The following NEDD4 variants were observed in gnomAD, a reference collection of about 807,000 sequenced individuals.
The protein encoded by NEDD4 is NEDD4 E3 ubiquitin protein ligase, also known as E3 ubiquitin-protein ligase NEDD4.
In NEDD4, 99 loss-of-function variants were observed where a neutral mutation model predicts 144.9. The observed-to-expected ratio is 0.68, with a 90% confidence interval of 0.58 to 0.81. NEDD4 has a LOEUF of 0.81. Among genes scored for constraint, NEDD4 ranks in the 30% least tolerant of loss-of-function variants. The pLI is 0.00. For synonymous variants in NEDD4, 318 were observed against 350.6 expected (o/e 0.91, Z 1.04); for missense variants, 985 against 1,065.9 (o/e 0.92, Z 1.06).
At chr15:55,927,019 T>C (rs2036681187) in intron 4 of NEDD4, among the ~76,000 whole-genome samples, 1 of 131,020 alleles carries the variant, frequency 7.6e-6, no homozygotes, top group Non-Finnish European at 1.5e-5. Context: ...GAGGTTGCAG[T>C]GAACCAAGAT....
At position 55,829,846 on chromosome 15, in the gene NEDD4, T is replaced by C; in HGVS notation, c.*51A>G. The C allele has an allele frequency of 1.4e-6, 2 of 1,430,406 alleles. No individual in the cohort carries two copies. Among genetic ancestry groups the C allele is most frequent in the Non-Finnish European group, 1.9e-6 (2 of 1,037,254 alleles). The allele number at this position is 1,430,406 out of a possible 1,614,324, so 88.6% of individuals were successfully genotyped here. Reference sequence around the variant, plus strand: ...TCCCCGGAAAATTTTAAGTCAAGATTTTGGTTATAAAACTATGGCAGTAAA... The same window carrying C: ...TCCCCGGAAAATTTTAAGTCAAGATCTTGGTTATAAAACTATGGCAGTAAA... On this transcript the variant is annotated 3_prime_UTR_variant, in exon 29 of 29. Coordinates refer to ENST00000435532, the MANE Select transcript of NEDD4 (RefSeq NM_006154.4).
chr15:55,961,431 T>C (rs1302957753), intron 2 of NEDD4, among the ~76,000 whole-genome samples: 3 of 152,074 alleles, frequency 2.0e-5, no homozygotes, highest in Admixed American at 2.0e-4. Context: ...TGTGAGACAA[T>C]AAATGTACGT....
At chr15:55,882,318 C>A (rs1257798373) in intron 5 of NEDD4, among the ~76,000 whole-genome samples, 2 of 152,178 alleles carry the variant, frequency 1.3e-5, no homozygotes, top group Admixed American at 6.5e-5. Context: ...CCCCCTCCAT[C>A]CCCTGGCAGT....
intron 4 of NEDD4, among the ~76,000 whole-genome samples, chr15:55,925,472 A>G (rs557766162): frequency 1.3e-5 from 2 of 152,360 alleles, no homozygotes; most frequent in East Asian, 1.9e-4. Context: ...TATAAAGTAC[A>G]TAGCAGTCAA....
intron 1 of NEDD4, among the ~76,000 whole-genome samples, chr15:55,966,980 C>T (rs1175342806): frequency 1.3e-5 from 2 of 152,132 alleles, no homozygotes; most frequent in African/African-American, 2.4e-5. Context: ...CTCTGCCTCC[C>T]GGTTCAAGCG....
At chr15:55,971,928 G>A (rs2037617472) in intron 1 of NEDD4, among the ~76,000 whole-genome samples, 1 of 152,180 alleles carries the variant, frequency 6.6e-6, no homozygotes, top group Admixed American at 6.5e-5. Flanking sequence ...TCTGGCAGCA[G>A]GTTTCTGAGT....
At chr15:55,830,456 A>G in intron 28 of NEDD4, 58 bp downstream of exon 28, 1 of 1,458,760 alleles carries the variant, frequency 6.9e-7, no homozygotes, top group Non-Finnish European at 9.6e-7. Flanking sequence ...TGGCTAGACT[A>G]ACAGAGGAAT....
At chr15:55,942,437 G>T (rs1398781281) in intron 4 of NEDD4, among the ~76,000 whole-genome samples, 1 of 152,198 alleles carries the variant, frequency 6.6e-6, no homozygotes, top group Admixed American at 6.5e-5. Context: ...CACGGAGGCA[G>T]ACTTCCCCCT....
chr15:55,984,600 T>A (rs945024782), intron 1 of NEDD4, among the ~76,000 whole-genome samples: 2 of 152,216 alleles, frequency 1.3e-5, no homozygotes, highest in African/African-American at 2.4e-5. Context: ...CCCCAACATG[T>A]CTCGCATCAG....
At chr15:55,907,344 T>C (rs1407392300) in intron 5 of NEDD4, among the ~76,000 whole-genome samples, 2 of 152,156 alleles carry the variant, frequency 1.3e-5, no homozygotes, top group African/African-American at 2.4e-5. Context: ...TGGGCACATG[T>C]TTTACCTTGA....
intron 5 of NEDD4, among the ~76,000 whole-genome samples, chr15:55,920,130 T>C (rs1308279881): frequency 6.6e-6 from 1 of 152,072 alleles, no homozygotes; most frequent in African/African-American, 2.4e-5. Context: ...GTTCTCAGCT[T>C]CCTGGCCTGC....
intron 24 of NEDD4, among the ~76,000 whole-genome samples, chr15:55,836,749 A>T (rs1022033220): frequency 2.0e-5 from 3 of 152,242 alleles, no homozygotes; most frequent in Admixed American, 2.0e-4. Context: ...ACTAGTCTCA[A>T]ACTCCTGACC....
chr15:55,991,090 C>A (rs1463992729), intron 1 of NEDD4, among the ~76,000 whole-genome samples: 1 of 152,202 alleles, frequency 6.6e-6, no homozygotes, highest in African/African-American at 2.4e-5. Flanking sequence ...AATTACAATT[C>A]TTTCACTATC....
chr15:55,903,837 A>AAC (rs1396928745), intron 5 of NEDD4, among the ~76,000 whole-genome samples: 1 of 57,370 alleles, frequency 1.7e-5, no homozygotes, highest in Admixed American at 2.2e-4. Flanking sequence ...AAAAAAAAAA[A>AAC]AAACACACAT....
intron 5 of NEDD4, among the ~76,000 whole-genome samples, chr15:55,888,110 A>G (rs1353401780): frequency 1.3e-5 from 2 of 152,120 alleles, no homozygotes; most frequent in Admixed American, 6.6e-5. Flanking sequence ...CTGTTATTCA[A>G]TGTAGTAAGG....
At chr15:55,874,978 GAA>G (rs77685364) in intron 5 of NEDD4, among the ~76,000 whole-genome samples, 9 of 139,270 alleles carry the variant, frequency 6.5e-5, no homozygotes, top group East Asian at 4.3e-4. Flanking sequence ...CGCTCAAAAA[GAA>G]AAAAAAAAAG....
intron 11 of NEDD4, 108 bp downstream of exon 11, chr15:55,860,299 C>G (rs2034347617): frequency 2.8e-6 from 3 of 1,071,380 alleles, no homozygotes; most frequent in Middle Eastern, 2.6e-4. Context: ...TGTATTATTA[C>G]ATATTATTGC....
At chr15:55,901,753 T>A (rs1566941230) in intron 5 of NEDD4, among the ~76,000 whole-genome samples, 1 of 152,142 alleles carries the variant, frequency 6.6e-6, no homozygotes. Flanking sequence ...AAACAATTAT[T>A]ACATGTTACA....
chr15:55,845,683 A>G (rs2033709588), intron 18 of NEDD4, among the ~76,000 whole-genome samples: 1 of 152,198 alleles, frequency 6.6e-6, no homozygotes, highest in African/African-American at 2.4e-5. Context: ...CTCATTAACA[A>G]TGAAAATATT....
Sources: gnomAD v4.1 joint callset for allele counts (sites outside exome capture counted in the v4.1 genomes callset) on GRCh38, gnomAD v4.1.1 for gene constraint, MANE v1.5 for transcripts, NCBI Gene and HGNC (gene_info 2026-07-23, HGNC 2026-07-21) for gene names.